Variants in AGMO observed in about 807,000 individuals in gnomAD.
AGMO encodes the protein glyceryl-ether monooxygenase.
A neutral mutation model predicts 60.2 loss-of-function variants in AGMO; 75 were observed. The observed-to-expected ratio is 1.25, with a 90% CI of 1.03 to 1.51. AGMO has a LOEUF of 1.51. AGMO is among the 40% of genes most tolerant of loss of function. AGMO has a pLI of 0.00. For synonymous variants in AGMO, 261 were observed against 177.1 expected, an observed-to-expected ratio of 1.47 and a Z score of -3.76; for missense variants, 763 against 525.5, an observed-to-expected ratio of 1.45 and a Z score of -4.42.
intron 12 of AGMO, among the ~76,000 whole-genome samples, chr7:15,311,717 T>C (rs766215786): frequency 6.6e-6 from 1 of 152,008 alleles, no homozygotes; most frequent in Non-Finnish European, 1.5e-5. Flanking sequence ...GGTAATAAAT[T>C]TCACAAGAAA....
chr7:15,219,015 T>G (rs1036060966), intron 12 of AGMO, among the ~76,000 whole-genome samples: 1 of 152,204 alleles, frequency 6.6e-6, no homozygotes, highest in African/African-American at 2.4e-5. Flanking sequence ...CAGGTAAAGC[T>G]GTCAGAATCA....
downstream of AGMO, among the ~76,000 whole-genome samples, chr7:15,199,000 G>C (rs1781204547): frequency 6.6e-6 from 1 of 152,144 alleles, no homozygotes; most frequent in Non-Finnish European, 1.5e-5. Context: ...CAAGAAGGGG[G>C]TTTGTTTTAA....
intron 12 of AGMO, among the ~76,000 whole-genome samples, chr7:15,302,435 A>G (rs1192897239): frequency 1.3e-5 from 2 of 152,210 alleles, no homozygotes; most frequent in East Asian, 3.8e-4. Context: ...AATAAAAGGT[A>G]TACAGTATTT....
At chr7:15,337,344 T>C (rs1781694853) in intron 12 of AGMO, among the ~76,000 whole-genome samples, 1 of 152,164 alleles carries the variant, frequency 6.6e-6, no homozygotes, top group Non-Finnish European at 1.5e-5. Flanking sequence ...TAATTCATAT[T>C]CTCAATCATG....
At chr7:15,117,532 AG>A in the AGMO span, among the ~76,000 whole-genome samples, 1 of 151,926 alleles carries the variant, frequency 6.6e-6, no homozygotes, top group South Asian at 2.1e-4. Flanking sequence ...TTTTGAGGGA[AG>A]GAGGGGAGTG....
intron 3 of AGMO, among the ~76,000 whole-genome samples, chr7:15,436,339 C>T (rs899115543): frequency 6.6e-6 from 1 of 152,030 alleles, no homozygotes; most frequent in Admixed American, 6.6e-5. Context: ...TTCTGTGCTT[C>T]GAAGATGGCA....
At chr7:15,447,841 C>T (rs570303005) in intron 3 of AGMO, among the ~76,000 whole-genome samples, 4 of 152,228 alleles carry the variant, frequency 2.6e-5, no homozygotes, top group Admixed American at 2.0e-4. Flanking sequence ...CGTGAGCCAC[C>T]GGGCCCAGCC....
chr7:15,158,902 A>T, the AGMO span, among the ~76,000 whole-genome samples: 1 of 152,206 alleles, frequency 6.6e-6, no homozygotes, highest in Admixed American at 6.6e-5. Flanking sequence ...GTCCTTAAAA[A>T]TAAATACAAA....
the AGMO span, among the ~76,000 whole-genome samples, chr7:15,125,793 G>C: frequency 6.6e-6 from 1 of 152,076 alleles, no homozygotes; most frequent in African/African-American, 2.4e-5. Context: ...AAATTAAATA[G>C]ACATGGGTAT....
At chr7:15,542,238 A>C (rs1224307060) in intron 3 of AGMO, among the ~76,000 whole-genome samples, 1 of 152,196 alleles carries the variant, frequency 6.6e-6, no homozygotes, top group East Asian at 1.9e-4. Context: ...TTACAAGTCA[A>C]AAGTCTTTGA....
At chr7:15,128,611 TAAAGTA>T in the AGMO span, among the ~76,000 whole-genome samples, 6 of 151,950 alleles carry the variant, frequency 3.9e-5, no homozygotes, top group African/African-American at 1.2e-4. Context: ...AAAATATATA[TAAAGTA>T]AAAGTATATA....
intron 12 of AGMO, among the ~76,000 whole-genome samples, chr7:15,248,669 A>C (rs1486207322): frequency 1.3e-5 from 2 of 152,176 alleles, no homozygotes; most frequent in Non-Finnish European, 2.9e-5. Flanking sequence ...CACACAAGAC[A>C]CATATTGTCC....
intron 12 of AGMO, among the ~76,000 whole-genome samples, chr7:15,256,747 G>A (rs1406711675): frequency 1.3e-5 from 2 of 152,152 alleles, no homozygotes; most frequent in Admixed American, 6.5e-5. Flanking sequence ...TGCTGCACAG[G>A]TTTGTCGCCT....
chr7:15,309,071 T>A (rs1341100042), intron 12 of AGMO, among the ~76,000 whole-genome samples: 1 of 152,168 alleles, frequency 6.6e-6, no homozygotes, highest in Non-Finnish European at 1.5e-5. Flanking sequence ...ATCAGCCACA[T>A]CAAGCAATAG....
intron 12 of AGMO, among the ~76,000 whole-genome samples, chr7:15,238,544 A>G (rs939050602): frequency 6.6e-6 from 1 of 151,922 alleles, no homozygotes; most frequent in East Asian, 1.9e-4. Flanking sequence ...ATGTACAACT[A>G]TAATATTAAT....
In AGMO at chr7:15,390,089, G is replaced by A. The variant is rs571914538; in HGVS notation, c.822+582C>T. ...GTATTTGTGGTGGTCTGACTCTGAC[G>A]GATCAGAGCTTCACAGACATTCCTG... On this transcript the variant is annotated intron_variant, in intron 8 of 12. Coordinates refer to ENST00000342526, the MANE Select transcript of AGMO (RefSeq NM_001004320.2). Among the ~76,000 whole-genome samples, 10 of 152,054 alleles carry A rather than the reference G, an allele frequency of 6.6e-5. No homozygotes were observed. In the East Asian group the frequency reaches 1.4e-3, roughly 21 times the overall value.
At chr7:15,277,776 A>G (rs1052645690) in intron 12 of AGMO, among the ~76,000 whole-genome samples, 1 of 152,196 alleles carries the variant, frequency 6.6e-6, no homozygotes. Flanking sequence ...GCTTCAGACA[A>G]TGGGCTGGAT....
chr7:15,404,888 G>C (rs1470426786), intron 5 of AGMO, among the ~76,000 whole-genome samples: 1 of 151,770 alleles, frequency 6.6e-6, no homozygotes, highest in Non-Finnish European at 1.5e-5. Flanking sequence ...CTACATTTTA[G>C]CTTCCATTCT....
chr7:15,258,214 G>A (rs1264903671), intron 12 of AGMO, among the ~76,000 whole-genome samples: 1 of 152,082 alleles, frequency 6.6e-6, no homozygotes, highest in Non-Finnish European at 1.5e-5. Flanking sequence ...CAATTTCAAA[G>A]CACACAATCT....
Sources: gnomAD v4.1 joint callset for allele counts (sites outside exome capture counted in the v4.1 genomes callset) on GRCh38, gnomAD v4.1.1 for gene constraint, MANE v1.5 for transcripts, NCBI Gene and HGNC (gene_info 2026-07-23, HGNC 2026-07-21) for gene names.